DCAF12: variants seen among roughly 807,000 people sequenced by gnomAD.
The protein encoded by DCAF12 is DDB1 and CUL4 associated factor 12.
In DCAF12, 28 loss-of-function variants were observed where a neutral mutation model predicts 52.8. The observed-to-expected ratio is 0.53, with a 90% CI of 0.39 to 0.73. DCAF12 has a LOEUF of 0.73. DCAF12 is among the 30% of genes least tolerant of loss of function. The pLI is 0.00. For missense variants in DCAF12, 425 were observed against 552.2 expected (o/e 0.77, Z 2.31); for synonymous variants, 196 against 215.5 (o/e 0.91, Z 0.79).
At chr9:34,109,005 G>T (rs148227352) in intron 2 of DCAF12, among the ~76,000 whole-genome samples, 1 of 137,698 alleles carries the variant, frequency 7.3e-6, no homozygotes, top group Non-Finnish European at 1.5e-5. Flanking sequence ...TATATATATG[G>T]TTTTTTTTTT....
intron 2 of DCAF12, among the ~76,000 whole-genome samples, chr9:34,113,695 C>A (rs1829041324): frequency 6.6e-6 from 1 of 152,160 alleles, no homozygotes; most frequent in African/African-American, 2.4e-5. Context: ...AATTCCCAGG[C>A]CTTACCCTAA....
At chr9:34,104,272 GA>G (rs564945971) in intron 4 of DCAF12, among the ~76,000 whole-genome samples, 5 of 151,758 alleles carry the variant, frequency 3.3e-5, no homozygotes, top group East Asian at 1.9e-4. Flanking sequence ...TAAAAAAAAA[GA>G]AAAAAACATC....
chr9:34,110,843 A>G (rs921112345), intron 2 of DCAF12, among the ~76,000 whole-genome samples: 1 of 152,100 alleles, frequency 6.6e-6, no homozygotes, highest in Non-Finnish European at 1.5e-5. Flanking sequence ...CTCTACTATC[A>G]TCACCTCTTG....
chr9:34,115,613 T>C (rs1210787069), intron 2 of DCAF12, among the ~76,000 whole-genome samples: 1 of 149,560 alleles, frequency 6.7e-6, no homozygotes, highest in Admixed American at 6.7e-5. Flanking sequence ...AAAAAAAGTA[T>C]ATATATACAC....
intron 2 of DCAF12, among the ~76,000 whole-genome samples, chr9:34,108,518 G>A (rs1043319664): frequency 3.3e-5 from 5 of 152,096 alleles, no homozygotes; most frequent in African/African-American, 2.4e-5. Context: ...AGGGCCGAGC[G>A]CAGTGGCTCA....
intron 3 of DCAF12, 51 bp downstream of exon 3, chr9:34,107,308 A>G (rs1391631618): frequency 6.4e-7 from 1 of 1,552,808 alleles, no homozygotes; most frequent in Admixed American, 1.7e-5. Context: ...AATCACTGAG[A>G]CCCGTTTAAA....
rs140196001 is a variant in DCAF12, at chr9:34,102,576, C to T, written c.601+3858G>A. ...GCTGAGGCAGGAGAATTGCTTGAAC[C>T]CAGGAGACGGAGGTTGCAGTGAGCC... On this transcript the variant is annotated intron_variant, in intron 4 of 8. Coordinates refer to ENST00000361264, the MANE Select transcript of DCAF12 (RefSeq NM_015397.4). Among the ~76,000 whole-genome samples, 985 of 152,004 alleles carry T rather than the reference C, an allele frequency of 6.5e-3. 8 individuals are homozygous for T. The highest frequency in any genetic ancestry group is 9.9e-3 in the Non-Finnish European group (673 of 67,962).
chr9:34,093,514 G>A (rs1828683614), intron 6 of DCAF12, 66 bp from the exon 7 acceptor site: 3 of 1,563,892 alleles, frequency 1.9e-6, no homozygotes, highest in Non-Finnish European at 2.6e-6. Flanking sequence ...TATTGTTTCT[G>A]GACTCCCACC....
chr9:34,104,681 C>T (rs1318318969), intron 4 of DCAF12, among the ~76,000 whole-genome samples: 5 of 151,918 alleles, frequency 3.3e-5, no homozygotes, highest in Admixed American at 6.6e-5. Context: ...TTTAGGAGGC[C>T]GAGGCAGGTG....
intron 2 of DCAF12, among the ~76,000 whole-genome samples, chr9:34,116,190 C>T (rs1459561253): frequency 6.6e-6 from 1 of 151,442 alleles, no homozygotes; most frequent in East Asian, 1.9e-4. Context: ...AACCCTGTCT[C>T]TACTAAAAAT....
At chr9:34,121,169 A>G (rs1829169142) in intron 2 of DCAF12, among the ~76,000 whole-genome samples, 1 of 152,112 alleles carries the variant, frequency 6.6e-6, no homozygotes, top group African/African-American at 2.4e-5. Context: ...ACAAACAAAC[A>G]AACAAAAAAA....
At chr9:34,124,455 C>T (rs572354894) in intron 2 of DCAF12, among the ~76,000 whole-genome samples, 1 of 152,334 alleles carries the variant, frequency 6.6e-6, no homozygotes, top group South Asian at 2.1e-4. Flanking sequence ...TCTATTCACT[C>T]TTAAAAAGGC....
At chr9:34,089,135 C>A (rs1203819153) in intron 8 of DCAF12, among the ~76,000 whole-genome samples, 1 of 147,536 alleles carries the variant, frequency 6.8e-6, no homozygotes, top group Admixed American at 6.8e-5. Context: ...AAAAAAAATT[C>A]ACTGACAGCT....
rs765401689 is a variant in DCAF12, at chr9:34,088,102, G to A, written c.*248C>T. 18 of 325,430 alleles carry A rather than the reference G, an allele frequency of 5.5e-5. No homozygotes were observed. Among genetic ancestry groups the A allele is most frequent in the Non-Finnish European group, 6.5e-5 (12 of 183,936 alleles). 20.2% of individuals were successfully genotyped at this position (325,430 alleles called of 1,614,324 possible). On this transcript the variant is annotated 3_prime_UTR_variant, in exon 9 of 9. Transcript: ENST00000361264. ...AAGAAAAATAGGGATTAGCAACAAT[G>A]TTTGGTTGAAAAGCCAGAAATAATA...
At chr9:34,105,202 G>A (rs71521213) in intron 4 of DCAF12, among the ~76,000 whole-genome samples, 2 of 151,774 alleles carry the variant, frequency 1.3e-5, no homozygotes, top group South Asian at 2.1e-4. Flanking sequence ...GTGGTGAGCC[G>A]AGGTCGTGCT....
At position 34,126,504 on chromosome 9, in the gene DCAF12, T is replaced by C; in HGVS notation, c.-73A>G. 1.3e-6 allele frequency: 2 copies of C among 1,519,084 alleles called. No individual in the cohort carries two copies. Among genetic ancestry groups the C allele is most frequent in the South Asian group, 2.4e-5 (2 of 84,602 alleles). 94.1% of individuals were successfully genotyped at this position (1,519,084 alleles called of 1,614,324 possible). On this transcript the variant is annotated 5_prime_UTR_variant, in exon 1 of 9. The change creates a new upstream start codon in the 5' untranslated region. Coordinates refer to ENST00000361264, the MANE Select transcript of DCAF12 (RefSeq NM_015397.4). The stretch of plus-strand genomic sequence containing the variant: ...CGAAGGATAGCAGGACGGCGGGTCA[T>C]ATACTGGGCCCCGGGGCCGCGCACC...
rs1829249922 is a variant in DCAF12 at position 34,126,361 on chromosome 9, C to T, written c.71G>A (p.Gly24Asp). The T allele has an allele frequency of 1.9e-6, 3 of 1,612,292 alleles. No individual in the cohort carries two copies. The highest frequency in any genetic ancestry group is 1.7e-5 in the Admixed American group (1 of 59,964). Residue 24 changes from glycine (G) to aspartate (D), a missense_variant, in exon 1 of 9, where the codon GGC (glycine) becomes GAC (aspartate). Physicochemically the swap from Gly to Asp is moderately conservative, Grantham distance 94. Around this residue, in one of 3 missense-constraint regions of DCAF12, gnomAD observed 89 missense variants for 84.9 expected, o/e 1.05. Transcript: ENST00000361264. ...CGGCCTCTCAACCCTCACCTGCGGG[C>T]CCTGAGCGTCGCTCCCAGCTCCCGG... ...ASPGAGSDAQ[G>D]PQFGWDHSLH...
Position 34,112,003 on chromosome 9 carries a change from T to C in DCAF12, c.334-4438A>G, listed in dbSNP as rs528151641. Among the ~76,000 whole-genome samples the C allele has an allele frequency of 2.3e-3, 348 of 150,734 alleles. 2 individuals are homozygous for C. The highest frequency in any genetic ancestry group is 8.0e-3 in the African/African-American group (328 of 41,030). ...TACAAAAAAAAAAAAATTAGCTGGA[T>C]GTGGTGGCGGGCGCCTGTAATCCCA... On this transcript the variant is annotated intron_variant, in intron 2 of 8. Transcript: ENST00000361264.
chr9:34,103,118 A>T (rs1056792624), intron 4 of DCAF12, among the ~76,000 whole-genome samples: 1 of 137,880 alleles, frequency 7.3e-6, no homozygotes, highest in East Asian at 2.1e-4. Flanking sequence ...AAAAAAAAAA[A>T]AGAGAAACAA....
Sources: allele counts gnomAD v4.1 joint callset (sites outside exome capture counted in the v4.1 genomes callset), GRCh38; gene constraint gnomAD v4.1.1; regional missense constraint gnomAD v4.1.1; transcripts MANE v1.5; gene names NCBI Gene and HGNC (gene_info 2026-07-23, HGNC 2026-07-21).